CCDC63: variants seen among roughly 807,000 people sequenced by gnomAD.
The protein encoded by CCDC63 is coiled-coil domain containing 63.
In CCDC63, 54 loss-of-function variants were observed where a neutral mutation model predicts 63.6. The ratio of observed to expected loss-of-function variants is 0.85; its 90% CI spans 0.68 to 1.07. The LOEUF (loss-of-function observed/expected upper bound fraction) is 1.07, where lower values mean the gene tolerates loss of function less well. Ranked by LOEUF, CCDC63 falls within the 50% of genes least tolerant of loss-of-function variation. CCDC63 has a pLI of 0.00. For synonymous variants in CCDC63, 253 were observed against 266.1 expected, an observed-to-expected ratio of 0.95 and a Z score of 0.48; for missense variants, 637 against 689.6, an observed-to-expected ratio of 0.92 and a Z score of 0.86.
chr12:110,861,852 T>C (rs137894751), intron 4 of CCDC63, among the ~76,000 whole-genome samples: 1 of 151,986 alleles, frequency 6.6e-6, no homozygotes, highest in African/African-American at 2.4e-5. Context: ...ATTACAGGTG[T>C]GAGCCACTGT....
In CCDC63 at chr12:110,880,086, A is replaced by G. The variant is rs1043048201; in HGVS notation, c.670A>G (p.Arg224Gly). 6.8e-6 allele frequency: 11 copies of G among 1,613,640 alleles called. 1 individual carries two copies. Among genetic ancestry groups the G allele is most frequent in the African/African-American group, 6.7e-5 (5 of 74,930 alleles). Reference sequence around the variant, plus strand: ...GCAATCTTCTCAGGCCTATGAGCAGAGGTGGGCTGGGGATAGGTCCAGGGG... The same window carrying G: ...GCAATCTTCTCAGGCCTATGAGCAGGGGTGGGCTGGGGATAGGTCCAGGGG... ...IEQSSQAYEQRVEAMARMAAM... is the reference protein window; with the variant it reads ...IEQSSQAYEQGVEAMARMAAM... Residue 224 changes from arginine (R) to glycine (G), a missense_variant and splice_region_variant, in exon 6 of 12, where the codon AGG (arginine) becomes GGG (glycine). Coordinates refer to ENST00000308208, the MANE Select transcript of CCDC63 (RefSeq NM_152591.3).
chr12:110,872,894 T>C (rs1169980627), intron 4 of CCDC63, among the ~76,000 whole-genome samples: 2 of 152,216 alleles, frequency 1.3e-5, no homozygotes, highest in Non-Finnish European at 2.9e-5. Flanking sequence ...CCCAAAATGC[T>C]GGCCAAATTT....
rs35844792 is a variant in CCDC63, at chr12:110,893,990, C to CAAA, written c.1149+855_1149+857dup. On this transcript the variant is annotated intron_variant, in intron 9 of 11. Transcript: ENST00000308208. The stretch of plus-strand genomic sequence containing the variant: ...TGGGCAACACAGTGAGACCCTGTCT[C>CAAA]AAAAAAAAAAAAAAAAAGGAAATAA... 6.5e-3 allele frequency among the ~76,000 whole-genome samples: 759 copies of CAAA among 117,540 alleles called. 6 individuals carry two copies. The highest frequency in any genetic ancestry group is 0.024 in the African/African-American group (713 of 29,896). The allele number at this position is 117,540 out of a possible 152,430, so 77.1% of individuals were successfully genotyped here.
At chr12:110,893,881 C>T (rs11065753) in intron 9 of CCDC63, among the ~76,000 whole-genome samples, 9,646 of 151,846 alleles carry the variant, frequency 0.064, 433 homozygotes, top group East Asian at 0.21. Flanking sequence ...ACCTGTAATC[C>T]CAGCTACTTG....
At chr12:110,855,756 T>G (rs971024588) in intron 3 of CCDC63, among the ~76,000 whole-genome samples, 3 of 152,094 alleles carry the variant, frequency 2.0e-5, no homozygotes, top group Admixed American at 6.6e-5. Context: ...TGATTTTGTA[T>G]TTTTAGTAGA....
chr12:110,886,655 C>T (rs995615337), intron 8 of CCDC63, among the ~76,000 whole-genome samples: 9 of 152,108 alleles, frequency 5.9e-5, no homozygotes, highest in Non-Finnish European at 1.2e-4. Context: ...TCTCCTCCCA[C>T]CCTTTATCTC....
rs766455204 is a variant in CCDC63, at chr12:110,904,807, C to G, written c.1546+16C>G. 25 of 1,591,684 alleles carry G rather than the reference C, an allele frequency of 1.6e-5. No homozygotes were observed. Among genetic ancestry groups the G allele is most frequent in the Admixed American group, 3.6e-5 (2 of 56,114 alleles). On this transcript the variant is annotated intron_variant, in intron 11 of 11. Coordinates refer to ENST00000308208, the MANE Select transcript of CCDC63 (RefSeq NM_152591.3). Reference sequence around the variant, plus strand: ...TTGGATGATGGTGAGTTCTCTCTCTCTCAATCTGCACAGGTTGCTAGGGAA... The same window carrying G: ...TTGGATGATGGTGAGTTCTCTCTCTGTCAATCTGCACAGGTTGCTAGGGAA...
At chr12:110,904,496 C>A in intron 10 of CCDC63, 92 bp from the exon 11 acceptor site, 1 of 1,086,120 alleles carries the variant, frequency 9.2e-7, no homozygotes, top group Non-Finnish European at 1.4e-6. Context: ...ACTTCCTGCT[C>A]CTCCCCGCCC....
chr12:110,884,636 A>G (rs927225152), intron 8 of CCDC63, among the ~76,000 whole-genome samples: 1 of 152,018 alleles, frequency 6.6e-6, no homozygotes, highest in African/African-American at 2.4e-5. Context: ...TTGGACTCCC[A>G]AAGTACTGAG....
At chr12:110,884,443 G>A (rs376335876) in intron 8 of CCDC63, among the ~76,000 whole-genome samples, 193 bp downstream of exon 8, 2 of 151,682 alleles carry the variant, frequency 1.3e-5, no homozygotes, top group African/African-American at 4.8e-5. Flanking sequence ...GTAGTAGTGC[G>A]ATATTGGCTC....
At chr12:110,856,338 G>A (rs146001903) in intron 3 of CCDC63, among the ~76,000 whole-genome samples, 1,824 of 151,836 alleles carry the variant, frequency 0.012, 38 homozygotes, top group African/African-American at 0.04. Flanking sequence ...TGCCTACCTC[G>A]GCCTCCCAAA....
chr12:110,880,053 G>A lies in CCDC63; in HGVS notation c.637G>A (p.Ala213Thr). ...LLMEKKTMNLAIEQSSQAYEQ... is the reference protein window; with the variant it reads ...LLMEKKTMNLTIEQSSQAYEQ... Reference sequence around the variant, plus strand: ...GATGGAGAAGAAAACCATGAACTTGGCCATTGAGCAATCTTCTCAGGCCTA... The same window carrying A: ...GATGGAGAAGAAAACCATGAACTTGACCATTGAGCAATCTTCTCAGGCCTA... The change falls in exon 6 of 12, where the codon GCC becomes ACC. Residue 213 changes from alanine to threonine, a missense_variant. Transcript: ENST00000308208. The A allele has an allele frequency of 6.2e-7, 1 of 1,614,108 alleles. No individual in the cohort carries two copies. Among genetic ancestry groups the A allele is most frequent in the South Asian group, 1.1e-5 (1 of 91,076 alleles).
intron 6 of CCDC63, among the ~76,000 whole-genome samples, chr12:110,880,393 G>A (rs2071184494): frequency 6.6e-6 from 1 of 152,126 alleles, no homozygotes; most frequent in Non-Finnish European, 1.5e-5. Flanking sequence ...GTGAAGTTGA[G>A]ATTCAAACCT....
Position 110,863,013 on chromosome 12 carries a change from C to T in CCDC63, c.369+4238C>T, listed in dbSNP as rs147665541. Among the ~76,000 whole-genome samples, 71 of 152,132 alleles carry T rather than the reference C, an allele frequency of 4.7e-4. 2 individuals carry two copies. The East Asian group carries it at 8.1e-3, about 17-fold the overall frequency. On this transcript the variant is annotated intron_variant, in intron 4 of 11. Coordinates refer to ENST00000308208, the MANE Select transcript of CCDC63 (RefSeq NM_152591.3). The stretch of plus-strand genomic sequence containing the variant: ...TCAGGTGATCCACCCACCTTGGCCT[C>T]CCAAAGTGTTGGGATTACAGGCATG...
At chr12:110,853,320 A>G in intron 2 of CCDC63, 85 bp from the exon 3 acceptor site, 1 of 1,349,464 alleles carries the variant, frequency 7.4e-7, no homozygotes, top group Non-Finnish European at 1.0e-6. Flanking sequence ...AGCCACCCCC[A>G]CTGCCCTTCA....
intron 9 of CCDC63, among the ~76,000 whole-genome samples, chr12:110,894,735 A>G (rs1199509581): frequency 3.3e-5 from 5 of 152,132 alleles, no homozygotes; most frequent in Non-Finnish European, 5.9e-5. Flanking sequence ...ACTCTTGTTG[A>G]GGTTGAGACT....
intron 2 of CCDC63, among the ~76,000 whole-genome samples, 178 bp downstream of exon 2, chr12:110,853,141 C>T (rs1184476976): frequency 6.6e-6 from 1 of 152,160 alleles, no homozygotes; most frequent in African/African-American, 2.4e-5. Context: ...CACTAGATGG[C>T]ACAGTCAGAG....
chr12:110,855,134 G>C (rs2070754908), intron 3 of CCDC63, among the ~76,000 whole-genome samples: 1 of 152,204 alleles, frequency 6.6e-6, no homozygotes. Context: ...AACTTACTCA[G>C]GGCCAGGGCT....
At chr12:110,846,527 C>G (rs2070638913), upstream of CCDC63, among the ~76,000 whole-genome samples, 1 of 151,818 alleles carries the variant, frequency 6.6e-6, no homozygotes, top group South Asian at 2.1e-4. Context: ...TCCCCCCCCG[C>G]CCCAACATTT....
Sources: gnomAD v4.1 joint callset for allele counts (sites outside exome capture counted in the v4.1 genomes callset) on GRCh38, gnomAD v4.1.1 for gene constraint, MANE v1.5 for transcripts, NCBI Gene and HGNC (gene_info 2026-07-23, HGNC 2026-07-21) for gene names.